The following RBBP8 variants were observed in gnomAD, a reference collection of about 807,000 sequenced individuals.
RBBP8 encodes the protein DNA endonuclease RBBP8.
A neutral mutation model predicts 108.3 loss-of-function variants in RBBP8; 88 were observed. That is an observed-to-expected ratio of 0.81 (90% CI 0.68 to 0.97). The LOEUF is 0.97. RBBP8 is among the 50% of genes least tolerant of loss of function. RBBP8 has a pLI of 0.00. For synonymous variants in RBBP8, 332 were observed against 348.2 expected, an observed-to-expected ratio of 0.95 and a Z score of 0.52; for missense variants, 1,023 against 1,049.0, an observed-to-expected ratio of 0.98 and a Z score of 0.34.
rs2046267463 is a variant in RBBP8 at position 23,016,995 on chromosome 18, A to G, written c.2454+71A>G. 8.0e-6 allele frequency: 9 copies of G among 1,124,670 alleles called. No individual in the cohort carries two copies. In the Admixed American group the frequency reaches 1.6e-4, roughly 20 times the overall value. 69.7% of individuals were successfully genotyped at this position (1,124,670 alleles called of 1,614,324 possible). A position where few individuals can be genotyped will look rare whatever the true frequency, so the allele number is the denominator to read the frequency against. The stretch of plus-strand genomic sequence containing the variant: ...TAGATAATAAATGCATGATTTTAAA[A>G]TCACGTATACAAACCATATTGGTTA... On this transcript the variant is annotated intron_variant, in intron 17 of 18. Transcript: ENST00000327155.
chr18:23,001,659 T>C lies in RBBP8; in HGVS notation c.2217T>C (p.Cys739=). 1 of 1,614,096 alleles carries C rather than the reference T, an allele frequency of 6.2e-7. No homozygotes were observed. Among genetic ancestry groups the C allele is most frequent in the Non-Finnish European group, 8.5e-7 (1 of 1,179,976 alleles). The change falls in exon 15 of 19, where the codon TGT becomes TGC. Residue 739 remains cysteine, a synonymous_variant. Coordinates refer to ENST00000327155, the MANE Select transcript of RBBP8 (RefSeq NM_002894.3). ...DRTTHEEYES[C]LADSFSQAAD... is the part of the protein sequence containing the mutation. ...CAACACATGAAGAGTATGAATCCTG[T>C]TTGGCAGACAGTTTCTCCCAAGCAG...
chr18:22,918,442 CAT>C lies in RBBP8; in HGVS notation c.-154+1418_-154+1419del, dbSNP rs1909451120. On this transcript the variant is annotated intron_variant, in intron 3 of 4. Coordinates refer to the RBBP8 transcript ENST00000577588. ...TACTGAATACTGTAAGCAACTGTAACATAGTGTGTGTGATAAGTATTTGTGTA... is the reference window on the plus strand; with the variant it reads ...TACTGAATACTGTAAGCAACTGTAACAGTGTGTGTGATAAGTATTTGTGTA... Among the ~76,000 whole-genome samples, 2 of 152,218 alleles carry C rather than the reference CAT, an allele frequency of 1.3e-5. 1 individual carries two copies. Among genetic ancestry groups the C allele is most frequent in the Middle Eastern group, 6.8e-3 (2 of 294 alleles).
upstream of RBBP8, among the ~76,000 whole-genome samples, chr18:22,932,190 TCA>T (rs1200098762): frequency 6.6e-6 from 1 of 152,222 alleles, no homozygotes. Flanking sequence ...GTCATTCTGC[TCA>T]GTTTTTCTTT....
At chr18:22,953,331 A>G (rs78601362) in intron 4 of RBBP8, among the ~76,000 whole-genome samples, 149 of 152,352 alleles carry the variant, frequency 9.8e-4, no homozygotes, top group African/African-American at 3.3e-3. Flanking sequence ...CTACTGTGGT[A>G]GGAGACAGTA....
chr18:22,946,270 C>G, intron 2 of RBBP8, 174 bp from the exon 3 acceptor site: 2 of 723,000 alleles, frequency 2.8e-6, no homozygotes, highest in East Asian at 5.7e-5. Context: ...AGACTAAAAG[C>G]AATACATTGC....
chr18:23,008,876 C>T (rs1448171439), intron 16 of RBBP8, among the ~76,000 whole-genome samples: 1 of 150,426 alleles, frequency 6.6e-6, no homozygotes, highest in Non-Finnish European at 1.5e-5. Flanking sequence ...TGGGTTCACG[C>T]CATTCTCCTG....
At chr18:23,015,226 A>C (rs2046236475) in intron 16 of RBBP8, among the ~76,000 whole-genome samples, 1 of 152,154 alleles carries the variant, frequency 6.6e-6, no homozygotes, top group Non-Finnish European at 1.5e-5. Flanking sequence ...TAGGATGGCA[A>C]ATGGCATACA....
intron 18 of RBBP8, among the ~76,000 whole-genome samples, chr18:23,022,508 A>C (rs1052340303): frequency 1.3e-5 from 2 of 151,584 alleles, no homozygotes; most frequent in Non-Finnish European, 2.9e-5. Context: ...AGGCTGAGGC[A>C]AGTGAATCAC....
chr18:22,942,965 G>C (rs1911228097), intron 2 of RBBP8, among the ~76,000 whole-genome samples: 1 of 152,064 alleles, frequency 6.6e-6, no homozygotes, highest in African/African-American at 2.4e-5. Context: ...GGTAGGTTTT[G>C]TGAGGCAAAG....
rs771649443 is a variant in RBBP8 at position 22,993,136 on chromosome 18, C to G, written c.1309C>G (p.Leu437Val). 2 of 1,614,096 alleles carry G rather than the reference C, an allele frequency of 1.2e-6. No individual in the cohort carries two copies. The highest frequency in any genetic ancestry group is 2.2e-5 in the South Asian group (2 of 91,080). The change falls in exon 11 of 19, where the codon CTG (leucine) becomes GTG (valine). Residue 437 changes from leucine to valine, a missense_variant. By Grantham distance (32) the Leu-to-Val change is conservative (BLOSUM62 1). Transcript: ENST00000327155. ...TAACACTGATAAACATTTGGAGCCC[C>G]TGAAATCATTGGGAGGCCGAACATC... Reference protein sequence around the residue: ...DSNTDKHLEPLKSLGGRTSKR... With the variant: ...DSNTDKHLEPVKSLGGRTSKR...
intron 4 of RBBP8, among the ~76,000 whole-genome samples, chr18:22,955,351 T>C (rs1262978663): frequency 6.6e-6 from 1 of 152,190 alleles, no homozygotes; most frequent in Admixed American, 6.5e-5. Context: ...TAAAGATTTA[T>C]CTCTTGTTTC....
At chr18:22,930,326 C>T (rs1302098004), upstream of RBBP8, among the ~76,000 whole-genome samples, 3 of 152,174 alleles carry the variant, frequency 2.0e-5, no homozygotes, top group African/African-American at 7.2e-5. Context: ...CTTCTGTTGC[C>T]ACTGGATGGA....
chr18:22,992,922 C>T lies in RBBP8; in HGVS notation c.1095C>T (p.Ser365=). ...KKKHLKTLPF[S]NTCISRLEKT... is the part of the protein sequence containing the mutation. ...AACATCTGAAAACACTCCCTTTTAG[C>T]AACACTTGTATATCTAGATTAGAAA... is the stretch of plus-strand genomic sequence containing the variant. Residue 365 remains serine (S), a synonymous_variant, in exon 11 of 19, where the codon AGC becomes AGT. Coordinates refer to ENST00000327155, the MANE Select transcript of RBBP8 (RefSeq NM_002894.3). The T allele has an allele frequency of 6.2e-7, 1 of 1,613,780 alleles. No individual in the cohort carries two copies.
Position 22,984,996 on chromosome 18 carries a change from C to A in RBBP8, c.709+6C>A, listed in dbSNP as rs1442068391. 8 of 1,610,260 alleles carry A rather than the reference C, an allele frequency of 5.0e-6. No individual in the cohort carries two copies. The highest frequency in any genetic ancestry group is 6.8e-6 in the Non-Finnish European group (8 of 1,177,544). ...AAGTCAATCTCCAATGGCCAGTAAGCAAGATACTGAGATTACTTTACAAGT... is the reference window on the plus strand; with the variant it reads ...AAGTCAATCTCCAATGGCCAGTAAGAAAGATACTGAGATTACTTTACAAGT... On this transcript the variant is annotated splice_donor_region_variant and intron_variant, in intron 8 of 18. Coordinates refer to ENST00000327155, the MANE Select transcript of RBBP8 (RefSeq NM_002894.3).
chr18:22,997,705 A>G lies in RBBP8; in HGVS notation c.2114A>G (p.Lys705Arg). Residue 705 changes from lysine (K) to arginine (R), a missense_variant, in exon 14 of 19, where the codon AAG (lysine) becomes AGG (arginine). Coordinates refer to ENST00000327155, the MANE Select transcript of RBBP8 (RefSeq NM_002894.3). ...VSETVLLKMKKQEQKGEKSSN... is the reference protein window; with the variant it reads ...VSETVLLKMKRQEQKGEKSSN... ...GAAACCGTTCTCTTAAAAATGAAGAAGCAAGAGCAGAAGGGAGAAAAAAGT... is the reference window on the plus strand; with the variant it reads ...GAAACCGTTCTCTTAAAAATGAAGAGGCAAGAGCAGAAGGGAGAAAAAAGT... 6.2e-7 allele frequency: 1 copy of G among 1,605,420 alleles called. No individual in the cohort carries two copies. The highest frequency in any genetic ancestry group is 1.1e-5 in the South Asian group (1 of 89,866).
At chr18:23,024,864 T>G (rs544621691) in intron 18 of RBBP8, among the ~76,000 whole-genome samples, 15 of 152,342 alleles carry the variant, frequency 9.8e-5, no homozygotes, top group African/African-American at 3.4e-4. Context: ...TTTAAAATTT[T>G]TACCCACAAG....
rs373804633 is a variant in RBBP8, at chr18:22,968,855, C to G, written c.298C>G (p.Arg100Gly). 3.7e-6 allele frequency: 6 copies of G among 1,613,336 alleles called. No individual in the cohort carries two copies. The highest frequency in any genetic ancestry group is 5.1e-6 in the Non-Finnish European group (6 of 1,179,592). ...CTGTGCAGTAACTGAAGAACATATG[C>G]GGAAAAAACAGCAAGAGTTTGAAAA... is the stretch of plus-strand genomic sequence containing the variant. ...DRCAVTEEHM[R>G]KKQQEFENIR... Residue 100 changes from arginine (R) to glycine (G), a missense_variant, in exon 5 of 19, where the codon CGG (arginine) becomes GGG (glycine). Arg to Gly is a moderately radical substitution (Grantham distance 125, BLOSUM62 -2). Coordinates refer to ENST00000327155, the MANE Select transcript of RBBP8 (RefSeq NM_002894.3).
At chr18:23,003,429 C>T (rs1003523604) in intron 15 of RBBP8, among the ~76,000 whole-genome samples, 16 of 152,174 alleles carry the variant, frequency 1.1e-4, no homozygotes, top group Non-Finnish European at 1.9e-4. Flanking sequence ...TCACATAACC[C>T]TTAGCTGTCT....
At chr18:22,919,757 G>A (rs1909513771) in intron 3 of RBBP8, among the ~76,000 whole-genome samples, 1 of 151,938 alleles carries the variant, frequency 6.6e-6, no homozygotes, top group South Asian at 2.1e-4. Flanking sequence ...TCATTATGTT[G>A]GCCAGGCTGA....
Sources: gnomAD v4.1 joint callset for allele counts (sites outside exome capture counted in the v4.1 genomes callset) on GRCh38, gnomAD v4.1.1 for gene constraint, MANE v1.5 for transcripts, NCBI Gene and HGNC (gene_info 2026-07-23, HGNC 2026-07-21) for gene names.